The following FRAS1 variants were observed in gnomAD, a reference collection of about 807,000 sequenced individuals.
The protein encoded by FRAS1 is Fraser extracellular matrix complex subunit 1.
In FRAS1, 290 loss-of-function variants were observed where a neutral mutation model predicts 435.2. The ratio of observed to expected loss-of-function variants is 0.67; its 90% confidence interval spans 0.61 to 0.73. The LOEUF (loss-of-function observed/expected upper bound fraction) is 0.73. FRAS1 is among the 30% of genes least tolerant of loss of function. FRAS1 has a pLI of 0.00. For missense variants in FRAS1, 4,860 were observed against 5,001.5 expected (o/e 0.97, Z 0.85); for synonymous variants, 1,800 against 1,851.0 (o/e 0.97, Z 0.71).
intron 2 of FRAS1, among the ~76,000 whole-genome samples, chr4:78,224,103 T>G (rs1724168701): frequency 6.6e-6 from 1 of 152,182 alleles, no homozygotes. Flanking sequence ...GATCCCTGAT[T>G]CCCTCCCTCC....
chr4:78,228,866 C>T (rs1438518943), intron 2 of FRAS1, among the ~76,000 whole-genome samples: 1 of 152,198 alleles, frequency 6.6e-6, no homozygotes, highest in African/African-American at 2.4e-5. Context: ...TTCATCTTTA[C>T]TGTCACCTGA....
chr4:78,327,849 G>A (rs184857566), intron 18 of FRAS1, among the ~76,000 whole-genome samples: 49 of 152,202 alleles, frequency 3.2e-4, no homozygotes, highest in African/African-American at 1.2e-3. Flanking sequence ...TCCAAAACCA[G>A]CACGGAATTG....
At chr4:78,427,590 T>C (rs1734046278) in intron 35 of FRAS1, among the ~76,000 whole-genome samples, 2 of 152,200 alleles carry the variant, frequency 1.3e-5, no homozygotes, top group Admixed American at 1.3e-4. Context: ...TCCCCAATAA[T>C]TAAGAACCAT....
At chr4:78,095,903 A>T (rs992804925) in intron 2 of FRAS1, among the ~76,000 whole-genome samples, 1 of 152,146 alleles carries the variant, frequency 6.6e-6, no homozygotes, top group Non-Finnish European at 1.5e-5. Flanking sequence ...ATGTCTTCAC[A>T]TTTCAAAACC....
chr4:78,182,029 C>A (rs1340319659), intron 2 of FRAS1: 7 of 1,525,530 alleles, frequency 4.6e-6, no homozygotes, highest in Admixed American at 2.3e-5. Flanking sequence ...CGAAGCCTTC[C>A]TGTAAGTGCC....
intron 47 of FRAS1, among the ~76,000 whole-genome samples, chr4:78,454,865 A>G (rs1408404272): frequency 6.6e-6 from 1 of 152,162 alleles, no homozygotes; most frequent in African/African-American, 2.4e-5. Context: ...AAATCTGGTT[A>G]CTGAAACCAA....
intron 2 of FRAS1, among the ~76,000 whole-genome samples, chr4:78,077,898 C>G (rs942982510): frequency 6.9e-6 from 1 of 145,104 alleles, no homozygotes; most frequent in Non-Finnish European, 1.5e-5. Flanking sequence ...GCAATACAGC[C>G]TTGTTCTAAA....
intron 2 of FRAS1, among the ~76,000 whole-genome samples, chr4:78,218,112 A>T (rs1455676435): frequency 8.2e-6 from 1 of 122,090 alleles, no homozygotes; most frequent in East Asian, 2.3e-4. Flanking sequence ...ACACACACAC[A>T]CACACACACA....
chr4:78,070,012 C>A (rs1740253814), intron 2 of FRAS1, among the ~76,000 whole-genome samples: 1 of 151,994 alleles, frequency 6.6e-6, no homozygotes. Flanking sequence ...CATATGCCCA[C>A]CCCCTCCCTG....
chr4:78,064,353 G>A (rs192623961), intron 1 of FRAS1, among the ~76,000 whole-genome samples: 1 of 151,130 alleles, frequency 6.6e-6, no homozygotes, highest in African/African-American at 2.4e-5. Context: ...TAATGCCATG[G>A]CTAGAAACTA....
rs762331831 is a variant in FRAS1 at position 78,369,835 on chromosome 4, C to G, written c.2723-3C>G. 6.2e-7 allele frequency: 1 copy of G among 1,608,468 alleles called. No individual in the cohort carries two copies. The highest frequency in any genetic ancestry group is 2.2e-5 in the East Asian group (1 of 44,812). ...TGGTCATTTTCTTTTCCTGTCTGCT[C>G]AGCATGCAACACACACTGTGGAAGC... On this transcript the variant is annotated splice_polypyrimidine_tract_variant and splice_region_variant and intron_variant, in intron 22 of 73. Transcript: ENST00000512123.
At chr4:78,208,758 T>C (rs561906605) in intron 2 of FRAS1, among the ~76,000 whole-genome samples, 1 of 152,270 alleles carries the variant, frequency 6.6e-6, no homozygotes, top group South Asian at 2.1e-4. Context: ...ATCACACAAG[T>C]AATACATGCT....
chr4:78,060,229 G>A (rs964848844), intron 1 of FRAS1, among the ~76,000 whole-genome samples: 2 of 152,068 alleles, frequency 1.3e-5, no homozygotes, highest in African/African-American at 4.8e-5. Flanking sequence ...CCTCTGGTTT[G>A]GTCCTCTCAA....
At chr4:78,447,952 C>T (rs1718904175) in intron 43 of FRAS1, 101 bp from the exon 44 acceptor site, 1 of 1,113,622 alleles carries the variant, frequency 9.0e-7, no homozygotes, top group Admixed American at 2.8e-5. Flanking sequence ...ACTTGACATT[C>T]TACCCAGACT....
At chr4:78,115,330 G>T (rs1455000698) in intron 2 of FRAS1, among the ~76,000 whole-genome samples, 1 of 152,124 alleles carries the variant, frequency 6.6e-6, no homozygotes, top group Non-Finnish European at 1.5e-5. Context: ...GTATCAGGAT[G>T]ATGCTGGCCT....
At chr4:78,124,138 G>T (rs1272641818) in intron 2 of FRAS1, among the ~76,000 whole-genome samples, 2 of 152,128 alleles carry the variant, frequency 1.3e-5, no homozygotes, top group African/African-American at 4.8e-5. Flanking sequence ...ATTATGTTGA[G>T]ATACATTCCA....
intron 20 of FRAS1, among the ~76,000 whole-genome samples, chr4:78,341,350 G>A (rs1730390195): frequency 6.6e-6 from 1 of 152,156 alleles, no homozygotes; most frequent in Admixed American, 6.5e-5. Flanking sequence ...TACACCCGTG[G>A]GGATGCCTTG....
chr4:78,346,948 G>A (rs374446455), intron 20 of FRAS1, among the ~76,000 whole-genome samples: 7 of 151,566 alleles, frequency 4.6e-5, no homozygotes, highest in African/African-American at 1.2e-4. Context: ...TTTCCTCCAG[G>A]GCCCTTGTGT....
intron 1 of FRAS1, among the ~76,000 whole-genome samples, 158 bp from the exon 2 acceptor site, chr4:78,065,826 TC>T (rs1430484275): frequency 6.6e-6 from 1 of 152,224 alleles, no homozygotes; most frequent in Non-Finnish European, 1.5e-5. Flanking sequence ...TGGGGTTATT[TC>T]CCCAGGGGAA....
Sources: allele counts gnomAD v4.1 joint callset (sites outside exome capture counted in the v4.1 genomes callset), GRCh38; gene constraint gnomAD v4.1.1; transcripts MANE v1.5; gene names NCBI Gene and HGNC (gene_info 2026-07-23, HGNC 2026-07-21).